EDN3: variants seen among roughly 807,000 people sequenced by gnomAD.
EDN3 encodes the protein endothelin 3.
In EDN3, 9 loss-of-function variants were observed where a neutral mutation model predicts 21.4. The ratio of observed to expected loss-of-function variants is 0.42; its 90% confidence interval spans 0.25 to 0.73. EDN3 has a LOEUF of 0.73. Ranked by LOEUF, EDN3 falls within the 30% of genes least tolerant of loss-of-function variation. The pLI, the probability that EDN3 is intolerant of heterozygous loss-of-function variation, is 0.26. For synonymous variants in EDN3, 133 were observed against 126.2 expected (o/e 1.05, Z -0.36); for missense variants, 327 against 309.4 (o/e 1.06, Z -0.43).
At chr20:59,306,219 A>G (rs1297882479) in intron 2 of EDN3, among the ~76,000 whole-genome samples, 1 of 152,198 alleles carries the variant, frequency 6.6e-6, no homozygotes, top group East Asian at 1.9e-4. Flanking sequence ...GCTGGCAGAT[A>G]GGAATGTAGT....
rs1048560087 is a variant in EDN3, at chr20:59,322,550, A to G, written c.588+133A>G. 5.0e-5 allele frequency: 61 copies of G among 1,218,352 alleles called. No homozygotes were observed. The highest frequency in any genetic ancestry group is 7.3e-5 in the Non-Finnish European group (61 of 835,894). 75.5% of individuals were successfully genotyped at this position (1,218,352 alleles called of 1,614,324 possible). The stretch of plus-strand genomic sequence containing the variant: ...CAGTGGGAACCCCAGATCTCATGGG[A>G]TGCTGCACCCACAAGCAATGGTGCC... On this transcript the variant is annotated intron_variant, in intron 4 of 4. Transcript: ENST00000337938. The surrounding 1 kb of genome is among the most constrained non-coding windows in gnomAD (Gnocchi z 4.1).
chr20:59,324,454 C>A lies in EDN3; in HGVS notation c.712C>A (p.Pro238Thr). ...CPRCLFQEGA[P>T] ...CCGCTGCCTCTTTCAGGAAGGAGCC[C>A]CTTAGGAGGACAGGCCTGCAGCATC... The change falls in exon 5 of 5, where the codon CCT (proline) becomes ACT (threonine). Residue 238 changes from proline (P) to threonine (T), a missense_variant. By Grantham distance (38) the Pro-to-Thr change is conservative. Transcript: ENST00000337938. 1 of 1,614,052 alleles carries A rather than the reference C, an allele frequency of 6.2e-7. No individual in the cohort carries two copies. The highest frequency in any genetic ancestry group is 1.3e-5 in the African/African-American group (1 of 75,010).
In EDN3 at chr20:59,317,707, A is replaced by G. The variant is rs182662160; in HGVS notation, c.366-3310A>G. On this transcript the variant is annotated intron_variant, in intron 2 of 4. Transcript: ENST00000337938. ...TGTGACACTTACATTGATACCACGTATATAGTGGATGCTGAAGAATGTTGG... is the reference window on the plus strand; with the variant it reads ...TGTGACACTTACATTGATACCACGTGTATAGTGGATGCTGAAGAATGTTGG... 2.6e-5 allele frequency among the ~76,000 whole-genome samples: 4 copies of G among 152,310 alleles called. No individual in the cohort carries two copies. The East Asian group carries it at 5.8e-4, about 22-fold the overall frequency.
chr20:59,300,768 G>C lies in EDN3; in HGVS notation c.-45G>C, dbSNP rs1988938454. On this transcript the variant is annotated 5_prime_UTR_variant, in exon 1 of 5. Transcript: ENST00000337938. ...CCCCAGTGCCCTTTCGCGGCCACAAGCGGCCGTCCTCCTGGTCCGGTGCTC... is the reference window on the plus strand; with the variant it reads ...CCCCAGTGCCCTTTCGCGGCCACAACCGGCCGTCCTCCTGGTCCGGTGCTC... 1.3e-6 allele frequency: 2 copies of C among 1,591,732 alleles called. No individual in the cohort carries two copies. The highest frequency in any genetic ancestry group is 2.3e-5 in the South Asian group (2 of 88,576).
chr20:59,322,565 G>A lies in EDN3; in HGVS notation c.588+148G>A, dbSNP rs1004323613. 43 of 1,085,252 alleles carry A rather than the reference G, an allele frequency of 4.0e-5. No individual in the cohort carries two copies. In the East Asian group the frequency reaches 9.7e-4, roughly 24 times the overall value. 67.2% of individuals were successfully genotyped at this position (1,085,252 alleles called of 1,614,324 possible). A position where few individuals can be genotyped will look rare whatever the true frequency, so the allele number is the denominator to read the frequency against. On this transcript the variant is annotated intron_variant, in intron 4 of 4. Coordinates refer to ENST00000337938, the MANE Select transcript of EDN3 (RefSeq NM_207034.3). This position sits in a 1 kb window ranked among gnomAD's most constrained non-coding sequence, Gnocchi z 4.1. ...ATCTCATGGGATGCTGCACCCACAA[G>A]CAATGGTGCCTTTGGTGGACCGTTT...
intron 2 of EDN3, among the ~76,000 whole-genome samples, chr20:59,317,111 C>T (rs888732880): frequency 1.3e-5 from 2 of 152,206 alleles, no homozygotes; most frequent in East Asian, 1.9e-4. Flanking sequence ...CATGGTCCAC[C>T]GTTAGGTCTT....
Position 59,300,649 on chromosome 20 carries a change from G to A in EDN3, c.-164G>A, listed in dbSNP as rs749699689. The A allele has an allele frequency of 1.9e-4, 125 of 671,910 alleles. No individual in the cohort carries two copies. Among genetic ancestry groups the A allele is most frequent in the Non-Finnish European group, 2.9e-4 (114 of 398,894 alleles). 41.6% of individuals were successfully genotyped at this position (671,910 alleles called of 1,614,324 possible). A position where few individuals can be genotyped will look rare whatever the true frequency, so the allele number is the denominator to read the frequency against. The stretch of plus-strand genomic sequence containing the variant: ...CAGCGCGCTCTGAAAGTTTATGACC[G>A]CCGCAGCCAACTCCTGGCCGGAGCT... On this transcript the variant is annotated 5_prime_UTR_variant, in exon 1 of 5. Transcript: ENST00000337938.
chr20:59,318,671 G>C (rs1990343109), intron 2 of EDN3, among the ~76,000 whole-genome samples: 1 of 152,262 alleles, frequency 6.6e-6, no homozygotes, highest in Admixed American at 6.5e-5. Context: ...TAAACTGCCA[G>C]AGCCTGTTTG....
chr20:59,321,076 C>A lies in EDN3; in HGVS notation c.425C>A (p.Ala142Glu). 6.2e-7 allele frequency: 1 copy of A among 1,614,206 alleles called. No individual in the cohort carries two copies. Among genetic ancestry groups the A allele is most frequent in the Non-Finnish European group, 8.5e-7 (1 of 1,180,026 alleles). The change falls in exon 3 of 5, where the codon GCG becomes GAG. Residue 142 changes from alanine to glutamate, a missense_variant. By Grantham distance (107) the Ala-to-Glu change is moderately radical. Transcript: ENST00000337938. ...YRGSFRGKRS[A>E]GPLPGNLQLS... Reference sequence around the variant, plus strand: ...GGAAGCTTCCGGGGCAAGAGGTCTGCGGGGCCACTTCCAGGGAATCTGCAG... The same window carrying A: ...GGAAGCTTCCGGGGCAAGAGGTCTGAGGGGCCACTTCCAGGGAATCTGCAG...
Position 59,324,755 on chromosome 20 carries a change from C to G in EDN3, c.*296C>G. 2.1e-6 allele frequency: 1 copy of G among 470,060 alleles called. No individual in the cohort carries two copies. Among genetic ancestry groups the G allele is most frequent in the South Asian group, 2.3e-5 (1 of 43,516 alleles). The allele number at this position is 470,060 out of a possible 1,614,324, so 29.1% of individuals were successfully genotyped here. ...TTTTGGCAAGTTGGAAAGCCACTTA[C>G]TGGCTTTTGACATGACTTCTCTTGG... On this transcript the variant is annotated 3_prime_UTR_variant, in exon 5 of 5. Transcript: ENST00000337938.
intron 2 of EDN3, among the ~76,000 whole-genome samples, chr20:59,310,942 G>C (rs957878000): frequency 6.6e-6 from 1 of 152,262 alleles, no homozygotes; most frequent in African/African-American, 2.4e-5. Context: ...GCTGAGAATA[G>C]ACTGGGGTGA....
At chr20:59,317,081 C>G (rs171969) in intron 2 of EDN3, among the ~76,000 whole-genome samples, 46,155 of 152,116 alleles carry the variant, frequency 0.3, 9,167 homozygotes, top group African/African-American at 0.57. Context: ...AAAGGTTCTC[C>G]GCCAATTTCA....
intron 2 of EDN3, among the ~76,000 whole-genome samples, chr20:59,318,934 A>C (rs374408785): frequency 5.9e-5 from 9 of 152,212 alleles, no homozygotes; most frequent in East Asian, 5.8e-4. Context: ...GGATTGATTT[A>C]ATGTCAACAC....
Position 59,301,461 on chromosome 20 carries a change from AGG to A in EDN3, c.105_106del (p.Gln35HisfsTer8). 3.1e-6 allele frequency: 5 copies of A among 1,613,326 alleles called. No homozygotes were observed. The highest frequency in any genetic ancestry group is 1.7e-6 in the Non-Finnish European group (2 of 1,179,990). On this transcript the variant is annotated frameshift_variant, in exon 2 of 5. Coordinates refer to ENST00000337938, the MANE Select transcript of EDN3 (RefSeq NM_207034.3). LOFTEE classifies it high-confidence loss of function. ...GATGCTGGCAGGCGCGGCGTGTCCC[AGG>A]CCCCCACTGCAGCCAGATCTGAGGG...
chr20:59,301,408 A>C lies in EDN3; in HGVS notation c.53-2A>C. The C allele has an allele frequency of 6.2e-7, 1 of 1,609,114 alleles. No homozygotes were observed. The highest frequency in any genetic ancestry group is 8.5e-7 in the Non-Finnish European group (1 of 1,179,982). On this transcript the variant is annotated splice_acceptor_variant, in intron 1 of 4. Coordinates refer to ENST00000337938, the MANE Select transcript of EDN3 (RefSeq NM_207034.3). LOFTEE classifies it high-confidence loss of function. ...AGGAGCCCCTCAATCTGCCTTCTGC[A>C]GGATTCGTGCCTTGCTCCCAGTCTG...
At chr20:59,321,831 A>G (rs952404822) in intron 3 of EDN3, among the ~76,000 whole-genome samples, 2 of 152,188 alleles carry the variant, frequency 1.3e-5, no homozygotes, top group African/African-American at 2.4e-5. Flanking sequence ...ATCACGTTGA[A>G]TGGAACCAAC....
At chr20:59,308,108 C>T (rs1388984406) in intron 2 of EDN3, among the ~76,000 whole-genome samples, 1 of 152,028 alleles carries the variant, frequency 6.6e-6, no homozygotes, top group Non-Finnish European at 1.5e-5. Context: ...CTACCAGAGC[C>T]CTTGGTGGTT....
chr20:59,322,523 T>C lies in EDN3; in HGVS notation c.588+106T>C. On this transcript the variant is annotated intron_variant, in intron 4 of 4. Coordinates refer to ENST00000337938, the MANE Select transcript of EDN3 (RefSeq NM_207034.3). The surrounding 1 kb of genome is among the most constrained non-coding windows in gnomAD (Gnocchi z 4.1). Reference sequence around the variant, plus strand: ...TTTGAGGGGATGGCATCTGGTCTGGTCCAGTGGGAACCCCAGATCTCATGG... The same window carrying C: ...TTTGAGGGGATGGCATCTGGTCTGGCCCAGTGGGAACCCCAGATCTCATGG... The C allele has an allele frequency of 1.4e-6, 2 of 1,467,432 alleles. No individual in the cohort carries two copies. The highest frequency in any genetic ancestry group is 1.9e-6 in the Non-Finnish European group (2 of 1,053,314). 90.9% of individuals were successfully genotyped at this position (1,467,432 alleles called of 1,614,324 possible). A position where few individuals can be genotyped will look rare whatever the true frequency, so the allele number is the denominator to read the frequency against.
chr20:59,307,816 A>C (rs1269306660), intron 2 of EDN3, among the ~76,000 whole-genome samples: 1 of 150,954 alleles, frequency 6.6e-6, no homozygotes, highest in Non-Finnish European at 1.5e-5. Flanking sequence ...AGCTGGAACC[A>C]CAGGTGCGTG....
Sources: allele counts gnomAD v4.1 joint callset (sites outside exome capture counted in the v4.1 genomes callset), GRCh38; gene constraint gnomAD v4.1.1; non-coding constraint Gnocchi (gnomAD v3.1); transcripts MANE v1.5; gene names NCBI Gene and HGNC (gene_info 2026-07-23, HGNC 2026-07-21).